The following NUP155 variants were observed in gnomAD, a reference collection of about 807,000 sequenced individuals.
NUP155 encodes the protein nucleoporin 155, also known as nuclear pore complex protein Nup155.
In NUP155, 71 loss-of-function variants were observed where a neutral mutation model predicts 180.4. The ratio of observed to expected loss-of-function variants is 0.39; its 90% CI spans 0.33 to 0.48. NUP155 has a LOEUF of 0.48. NUP155 is among the 20% of genes least tolerant of loss of function. The pLI is 0.91. For synonymous variants in NUP155, 582 were observed against 559.5 expected (o/e 1.04, Z -0.57); for missense variants, 1,553 against 1,648.9 (o/e 0.94, Z 1.01).
intron 12 of NUP155, among the ~76,000 whole-genome samples, chr5:37,335,803 T>G (rs550260226): frequency 6.6e-6 from 1 of 151,868 alleles, no homozygotes; most frequent in Non-Finnish European, 1.5e-5. Flanking sequence ...TACAAAAAAA[T>G]TAGACAAGAG....
At chr5:37,297,541 G>A (rs974183260) in intron 32 of NUP155, among the ~76,000 whole-genome samples, 2 of 151,558 alleles carry the variant, frequency 1.3e-5, no homozygotes, top group Non-Finnish European at 2.9e-5. Flanking sequence ...ACTATGCCTG[G>A]ATAATTTTCC....
chr5:37,341,196 T>C lies in NUP155; in HGVS notation c.1140A>G (p.Ala380=), dbSNP rs1432220549. The C allele has an allele frequency of 6.2e-7, 1 of 1,613,898 alleles. No individual in the cohort carries two copies. The highest frequency in any genetic ancestry group is 1.1e-5 in the South Asian group (1 of 91,086). ...FSTCPFRQPL[A]RPNTLTLVHV... is the part of the protein sequence containing the mutation. ...GAACCAGCGTCAGTGTATTAGGCCG[T>C]GCTAATGGCTGTCTGAATGGACAAG... The change falls in exon 11 of 35, where the codon GCA becomes GCG. Residue 380 remains alanine, a synonymous_variant. Coordinates refer to ENST00000231498, the MANE Select transcript of NUP155 (RefSeq NM_153485.3).
chr5:37,343,071 T>A (rs1318973613), intron 9 of NUP155, among the ~76,000 whole-genome samples: 1 of 151,852 alleles, frequency 6.6e-6, no homozygotes, highest in Admixed American at 6.6e-5. Context: ...ATTTTCTTTT[T>A]TTTTTCTTTT....
At chr5:37,358,006 G>A in intron 4 of NUP155, 75 bp downstream of exon 4, 1 of 1,029,948 alleles carries the variant, frequency 9.7e-7, no homozygotes, top group East Asian at 2.4e-5. Context: ...AAAAATGTGT[G>A]TTGTTGTTCA....
chr5:37,303,347 T>A lies in NUP155; in HGVS notation c.3230A>T (p.Tyr1077Phe). The A allele has an allele frequency of 1.2e-6, 2 of 1,614,058 alleles. No individual in the cohort carries two copies. The highest frequency in any genetic ancestry group is 2.2e-5 in the East Asian group (1 of 44,868). Reference sequence around the variant, plus strand: ...GTAATACCGCCAGAGTAAATCCATATAACGAACTCTGTTTTGATCAACTTT... The same window carrying A: ...GTAATACCGCCAGAGTAAATCCATAAAACGAACTCTGTTTTGATCAACTTT... ...MAKVDQNRVR[Y>F]MDLLWRYYEK... The change falls in exon 28 of 35, where the codon TAT (tyrosine) becomes TTT (phenylalanine). Residue 1077 changes from tyrosine (Y) to phenylalanine (F), a missense_variant. Transcript: ENST00000231498.
At chr5:37,365,752 T>TACACACACACACAC (rs372031424) in intron 1 of NUP155, among the ~76,000 whole-genome samples, 25 of 37,880 alleles carry the variant, frequency 6.6e-4, no homozygotes, top group African/African-American at 1.4e-3. Context: ...TATATATATA[T>TACACACACACACAC]ACACACACAC....
chr5:37,350,111 A>T (rs773816767), intron 7 of NUP155, 49 bp downstream of exon 7: 2 of 1,201,798 alleles, frequency 1.7e-6, no homozygotes. Flanking sequence ...TGAGGGAACA[A>T]TGTGTTAGAA....
intron 4 of NUP155, among the ~76,000 whole-genome samples, chr5:37,357,402 A>C (rs1349932368): frequency 6.9e-6 from 1 of 145,360 alleles, no homozygotes; most frequent in Non-Finnish European, 1.5e-5. Context: ...TTAATCTCAA[A>C]AAAAAAAAAA....
Position 37,364,145 on chromosome 5 carries a change from T to G in NUP155, c.295+102A>C, listed in dbSNP as rs1029611598. The G allele has an allele frequency of 1.1e-5, 13 of 1,158,660 alleles. No individual in the cohort carries two copies. In the Admixed American group the frequency reaches 1.2e-4, roughly 10 times the overall value. 71.8% of individuals were successfully genotyped at this position (1,158,660 alleles called of 1,614,324 possible). Reference sequence around the variant, plus strand: ...TTAAACGAATTTTAAATAAAACCCTTAAATGAATATATAACACATTAATTA... The same window carrying G: ...TTAAACGAATTTTAAATAAAACCCTGAAATGAATATATAACACATTAATTA... On this transcript the variant is annotated intron_variant, in intron 2 of 34. Coordinates refer to ENST00000231498, the MANE Select transcript of NUP155 (RefSeq NM_153485.3).
intron 29 of NUP155, among the ~76,000 whole-genome samples, chr5:37,301,970 G>A (rs1030930236): frequency 6.6e-6 from 1 of 152,208 alleles, no homozygotes; most frequent in African/African-American, 2.4e-5. Flanking sequence ...AGGCCCTAGG[G>A]AATGGTAGTG....
intron 22 of NUP155, among the ~76,000 whole-genome samples, chr5:37,311,180 G>T (rs779941241): frequency 2.6e-5 from 4 of 152,206 alleles, no homozygotes; most frequent in Non-Finnish European, 4.4e-5. Context: ...TCCAAATGAA[G>T]CTCTAAAGTA....
At position 37,311,919 on chromosome 5, in the gene NUP155, G is replaced by T. The variant is rs186132245; in HGVS notation, c.2437-1176C>A. On this transcript the variant is annotated intron_variant, in intron 22 of 34. Transcript: ENST00000231498. ...GCCTGTAGTCCCAGCTACTCGGGAA[G>T]CTGAGGCAGGAGAACTGCTTGTACC... Among the ~76,000 whole-genome samples, 10 of 152,336 alleles carry T rather than the reference G, an allele frequency of 6.6e-5. No homozygotes were observed. In the East Asian group the frequency reaches 1.9e-3, roughly 29 times the overall value.
At chr5:37,293,250 G>T in intron 33 of NUP155, 2 of 330,982 alleles carry the variant, frequency 6.0e-6, no homozygotes, top group Non-Finnish European at 1.1e-5. Flanking sequence ...TAAATGTCCC[G>T]CTTAGGAATC....
chr5:37,322,537 C>T (rs934560239), intron 20 of NUP155, among the ~76,000 whole-genome samples: 2 of 151,940 alleles, frequency 1.3e-5, no homozygotes, highest in African/African-American at 4.8e-5. Flanking sequence ...GAAACCCAGT[C>T]TCTACTAAAA....
chr5:37,365,329 A>C (rs1479189870), intron 1 of NUP155, among the ~76,000 whole-genome samples: 2 of 152,060 alleles, frequency 1.3e-5, no homozygotes, highest in Non-Finnish European at 2.9e-5. Context: ...CAAAGGATAA[A>C]TGCTTGAGAG....
intron 20 of NUP155, among the ~76,000 whole-genome samples, chr5:37,318,962 A>C (rs1053314781): frequency 2.6e-5 from 4 of 152,206 alleles, no homozygotes; most frequent in African/African-American, 9.7e-5. Context: ...GTATACGAAG[A>C]TCTGAGAAAT....
chr5:37,333,566 A>G lies in NUP155; in HGVS notation c.1415T>C (p.Ile472Thr). Residue 472 changes from isoleucine to threonine, a missense_variant, in exon 13 of 35, where the codon ATA (isoleucine) becomes ACA (threonine). Transcript: ENST00000231498. ...SAIDELKVDK[I>T]ITPLNKDHIP... ...ATGATCCTTGTTTAAAGGTGTAATTATTTTATCTACTTTCAATTCATCTAT... is the reference window on the plus strand; with the variant it reads ...ATGATCCTTGTTTAAAGGTGTAATTGTTTTATCTACTTTCAATTCATCTAT... The G allele has an allele frequency of 6.2e-7, 1 of 1,613,740 alleles. No individual in the cohort carries two copies. The highest frequency in any genetic ancestry group is 1.3e-5 in the African/African-American group (1 of 75,016).
At chr5:37,329,572 T>C (rs1744824834) in intron 15 of NUP155, among the ~76,000 whole-genome samples, 2 of 152,256 alleles carry the variant, frequency 1.3e-5, no homozygotes, top group African/African-American at 4.8e-5. Flanking sequence ...GTAATTTTCA[T>C]ACTAGGTTAT....
intron 3 of NUP155, among the ~76,000 whole-genome samples, chr5:37,361,856 T>G (rs1484782520): frequency 6.6e-6 from 1 of 152,152 alleles, no homozygotes; most frequent in African/African-American, 2.4e-5. Flanking sequence ...TCCTAACTCT[T>G]AATGTGATAG....
Sources: gnomAD v4.1 joint callset for allele counts (sites outside exome capture counted in the v4.1 genomes callset) on GRCh38, gnomAD v4.1.1 for gene constraint, MANE v1.5 for transcripts, NCBI Gene and HGNC (gene_info 2026-07-23, HGNC 2026-07-21) for gene names.